Variants in CRISPLD2 observed in about 807,000 individuals in gnomAD.
The protein encoded by CRISPLD2 is cysteine rich secretory protein LCCL domain containing 2, also known as cysteine-rich secretory protein LCCL domain-containing 2.
In CRISPLD2, 47 loss-of-function variants were observed where a neutral mutation model predicts 71.1. That is an observed-to-expected ratio of 0.66 (90% CI 0.52 to 0.84). The LOEUF (loss-of-function observed/expected upper bound fraction) is 0.84, where lower values mean the gene tolerates loss of function less well. Among genes scored for constraint, CRISPLD2 ranks in the 40% least tolerant of loss-of-function variants. CRISPLD2 has a pLI of 0.00. For missense variants in CRISPLD2, 830 were observed against 651.1 expected (o/e 1.27, Z -2.99); for synonymous variants, 317 against 250.1 (o/e 1.27, Z -2.52).
chr16:84,902,381 G>C (rs2071762935), intron 14 of CRISPLD2, among the ~76,000 whole-genome samples: 2 of 151,804 alleles, frequency 1.3e-5, no homozygotes, highest in Non-Finnish European at 2.9e-5. Flanking sequence ...AGGCCGAGGA[G>C]GGTGGATCGC....
intron 3 of CRISPLD2, among the ~76,000 whole-genome samples, chr16:84,848,981 G>A (rs1268320208): frequency 3.2e-5 from 3 of 94,344 alleles, no homozygotes; most frequent in Non-Finnish European, 6.5e-5. Context: ...GCGAGACTCC[G>A]TCTCAAAAAA....
Position 84,906,577 on chromosome 16 carries a change from C to G in CRISPLD2, c.1440-11C>G, listed in dbSNP as rs751557216. ...CTCTCAGTAACGGGCCCTCTTTCTT[C>G]TTTTTTTCAGCCTGGGGACTCCTCG... is the stretch of plus-strand genomic sequence containing the variant. On this transcript the variant is annotated splice_polypyrimidine_tract_variant and intron_variant, in intron 14 of 14. Coordinates refer to ENST00000262424, the MANE Select transcript of CRISPLD2 (RefSeq NM_031476.4). 42 of 1,612,222 alleles carry G rather than the reference C, an allele frequency of 2.6e-5. No individual in the cohort carries two copies. The highest frequency in any genetic ancestry group is 1.5e-4 in the African/African-American group (11 of 74,838).
chr16:84,903,771 G>A (rs2071776556), intron 14 of CRISPLD2, among the ~76,000 whole-genome samples: 3 of 152,172 alleles, frequency 2.0e-5, no homozygotes. Flanking sequence ...TTCAAAAACA[G>A]CTGTTTCAGG....
intron 2 of CRISPLD2, among the ~76,000 whole-genome samples, chr16:84,843,111 G>T (rs1282029496): frequency 6.6e-6 from 1 of 152,208 alleles, no homozygotes; most frequent in Non-Finnish European, 1.5e-5. Context: ...ACTTGGTGAT[G>T]TTTCAGGATT....
At chr16:84,876,267 C>T (rs1011082337) in intron 11 of CRISPLD2, among the ~76,000 whole-genome samples, 6 of 152,208 alleles carry the variant, frequency 3.9e-5, no homozygotes, top group African/African-American at 1.2e-4. Flanking sequence ...TTTGAGACGT[C>T]CAGGCAGATG....
intron 2 of CRISPLD2, among the ~76,000 whole-genome samples, chr16:84,842,667 C>T (rs999288283): frequency 1.3e-5 from 2 of 152,104 alleles, no homozygotes; most frequent in African/African-American, 4.8e-5. Context: ...AACCACTGTG[C>T]CCAACCTACG....
intron 3 of CRISPLD2, among the ~76,000 whole-genome samples, chr16:84,846,765 G>C (rs1461139667): frequency 1.3e-5 from 2 of 152,182 alleles, no homozygotes; most frequent in African/African-American, 2.4e-5. Context: ...AGACCCCCGA[G>C]GCTTCCCTGT....
At chr16:84,886,156 C>T (rs1176735341) in intron 13 of CRISPLD2, among the ~76,000 whole-genome samples, 1 of 152,126 alleles carries the variant, frequency 6.6e-6, no homozygotes, top group African/African-American at 2.4e-5. Flanking sequence ...TCCCAAAGTC[C>T]TGGGATTACA....
chr16:84,875,257 A>ATATG (rs1555564055), intron 11 of CRISPLD2, among the ~76,000 whole-genome samples: 1 of 148,220 alleles, frequency 6.7e-6, no homozygotes, highest in African/African-American at 2.5e-5. Context: ...ATATATACAT[A>ATATG]TGTGTGTGTG....
chr16:84,886,522 G>GT (rs2071614736), intron 13 of CRISPLD2, among the ~76,000 whole-genome samples: 1 of 151,876 alleles, frequency 6.6e-6, no homozygotes, highest in South Asian at 2.1e-4. Flanking sequence ...CTCTGTTGTA[G>GT]TAAAAAAAAA....
At chr16:84,863,477 G>C (rs1917445272) in intron 6 of CRISPLD2, among the ~76,000 whole-genome samples, 1 of 152,184 alleles carries the variant, frequency 6.6e-6, no homozygotes, top group African/African-American at 2.4e-5. Context: ...TATAAAAAAA[G>C]AGGTATTCTC....
intron 13 of CRISPLD2, among the ~76,000 whole-genome samples, chr16:84,886,977 C>A (rs2071619029): frequency 6.6e-6 from 1 of 152,208 alleles, no homozygotes; most frequent in African/African-American, 2.4e-5. Context: ...CTTCCCGCTT[C>A]CCCTCCGCCA....
chr16:84,834,185 G>C (rs1201790138), intron 1 of CRISPLD2, among the ~76,000 whole-genome samples: 2 of 152,336 alleles, frequency 1.3e-5, no homozygotes, highest in East Asian at 1.9e-4. Flanking sequence ...AGGAGGGTGA[G>C]AGGAGATCAC....
chr16:84,873,849 C>A (rs188819249), intron 10 of CRISPLD2, 71 bp from the exon 11 acceptor site: 2 of 1,365,502 alleles, frequency 1.5e-6, no homozygotes, highest in Admixed American at 2.1e-5. Flanking sequence ...TAGGAGCAAG[C>A]GTTCACTTTT....
At chr16:84,869,600 G>A (rs1390842894) in intron 8 of CRISPLD2, among the ~76,000 whole-genome samples, 1 of 152,220 alleles carries the variant, frequency 6.6e-6, no homozygotes, top group Non-Finnish European at 1.5e-5. Context: ...ATGTGGTACT[G>A]TCGTTTGTTG....
chr16:84,858,280 C>T (rs923398848), intron 6 of CRISPLD2, among the ~76,000 whole-genome samples: 1 of 152,154 alleles, frequency 6.6e-6, no homozygotes, highest in Non-Finnish European at 1.5e-5. Flanking sequence ...TTCTGGACCC[C>T]ACTCAAAACT....
chr16:84,904,679 T>C (rs2071786147), intron 14 of CRISPLD2, among the ~76,000 whole-genome samples: 1 of 152,200 alleles, frequency 6.6e-6, no homozygotes, highest in South Asian at 2.1e-4. Flanking sequence ...TCAATTGATT[T>C]TGACATCGGT....
At chr16:84,867,687 C>T (rs936572247) in intron 7 of CRISPLD2, among the ~76,000 whole-genome samples, 3 of 152,180 alleles carry the variant, frequency 2.0e-5, no homozygotes, top group Admixed American at 1.3e-4. Flanking sequence ...CTGCCTCAGC[C>T]CCCTGAGTAG....
At chr16:84,885,838 A>C (rs115304051) in intron 13 of CRISPLD2, among the ~76,000 whole-genome samples, 1 of 74,644 alleles carries the variant, frequency 1.3e-5, no homozygotes, top group African/African-American at 5.0e-5. Flanking sequence ...TTTTTTTGAG[A>C]TGGGATCTGG....
Sources: gnomAD v4.1 joint callset for allele counts (sites outside exome capture counted in the v4.1 genomes callset) on GRCh38, gnomAD v4.1.1 for gene constraint, MANE v1.5 for transcripts, NCBI Gene and HGNC (gene_info 2026-07-23, HGNC 2026-07-21) for gene names.